The following NRG1 variants were observed in gnomAD, a reference collection of about 807,000 sequenced individuals.
NRG1 encodes neuregulin 1, also known as pro-neuregulin-1, membrane-bound isoform.
NRG1 carries 18 observed loss-of-function variants against 63.8 expected under a neutral mutation model. The observed-to-expected ratio is 0.28, with a 90% CI of 0.19 to 0.42. The LOEUF (loss-of-function observed/expected upper bound fraction) is 0.42. Ranked by LOEUF, NRG1 falls within the 10% of genes least tolerant of loss-of-function variation. NRG1 has a pLI of 1.00. For missense variants in NRG1, 762 were observed against 814.7 expected, an observed-to-expected ratio of 0.94 and a Z score of 0.79; for synonymous variants, 302 against 301.3, an observed-to-expected ratio of 1.00 and a Z score of -0.02.
intron 1 of NRG1, among the ~76,000 whole-genome samples, chr8:32,581,542 A>G (rs970101891): frequency 6.6e-6 from 1 of 152,214 alleles, no homozygotes; most frequent in Non-Finnish European, 1.5e-5. Flanking sequence ...CATTAAAAGA[A>G]TAAAGCCCCT....
At chr8:32,471,419 G>A (rs533147888) in intron 1 of NRG1, among the ~76,000 whole-genome samples, 28 of 152,192 alleles carry the variant, frequency 1.8e-4, no homozygotes, top group African/African-American at 6.5e-4. Flanking sequence ...TAGGTGGGTT[G>A]TTCTAATCGA....
chr8:32,370,812 C>T lies in NRG1; in HGVS notation c.38-225016C>T, dbSNP rs139061219. 3.3e-3 allele frequency among the ~76,000 whole-genome samples: 417 copies of T among 127,682 alleles called. 4 individuals are homozygous for T. The highest frequency in any genetic ancestry group is 0.012 in the African/African-American group (399 of 32,680). 83.8% of individuals were successfully genotyped at this position (127,682 alleles called of 152,430 possible). On this transcript the variant is annotated intron_variant, in intron 1 of 10. Transcript: ENST00000519301. ...AGTGGATGTTGCAGTGAGCCAAGATCTCACTGCTGCACTCCAGCCAGGATG... is the reference window on the plus strand; with the variant it reads ...AGTGGATGTTGCAGTGAGCCAAGATTTCACTGCTGCACTCCAGCCAGGATG...
intron 1 of NRG1, among the ~76,000 whole-genome samples, chr8:32,465,930 A>G (rs1454842404): frequency 6.6e-6 from 1 of 152,244 alleles, no homozygotes; most frequent in Non-Finnish European, 1.5e-5. Context: ...TAGCAATACA[A>G]ATAAACAAAT....
At chr8:32,540,449 CAAAAAT>C (rs982280641) in intron 1 of NRG1, among the ~76,000 whole-genome samples, 3 of 152,006 alleles carry the variant, frequency 2.0e-5, no homozygotes, top group Admixed American at 2.0e-4. Flanking sequence ...ACAACGACAA[CAAAAAT>C]AAAAATGTCA....
rs1471735210 is a variant in NRG1, at chr8:32,571,197, C to T, written c.100+22371C>T. ...AATTAAAGATACAGCAATGACATGACATCTACATTTGAAACTAGTAATAAT... is the reference window on the plus strand; with the variant it reads ...AATTAAAGATACAGCAATGACATGATATCTACATTTGAAACTAGTAATAAT... On this transcript the variant is annotated intron_variant, in intron 1 of 11. Transcript: ENST00000356819. Among the ~76,000 whole-genome samples, 4 of 152,272 alleles carry T rather than the reference C, an allele frequency of 2.6e-5. No individual in the cohort carries two copies. In the South Asian group the frequency reaches 6.2e-4, roughly 24 times the overall value.
rs558792099 is a variant in NRG1, at chr8:32,065,172, G to A, written c.37+425741G>A. Among the ~76,000 whole-genome samples the A allele has an allele frequency of 3.3e-5, 5 of 150,588 alleles. No individual in the cohort carries two copies. The South Asian group carries it at 8.3e-4, about 25-fold the overall frequency. On this transcript the variant is annotated intron_variant, in intron 1 of 10. Coordinates refer to the NRG1 transcript ENST00000519301. ...TGCTTGGGATGGGGAAGAACTTTGT[G>A]GCCATCGATTTTTTCTTTCTTTCTT...
At chr8:32,045,589 T>C (rs1820870698) in intron 1 of NRG1, among the ~76,000 whole-genome samples, 1 of 151,942 alleles carries the variant, frequency 6.6e-6, no homozygotes, top group South Asian at 2.1e-4. Flanking sequence ...GCTTCAGTAA[T>C]CAAGAGTCTG....
At position 32,209,586 on chromosome 8, in the gene NRG1, A is replaced by G. The variant is rs374368420; in HGVS notation, c.38-386242A>G. Among the ~76,000 whole-genome samples the G allele has an allele frequency of 1.4e-3, 217 of 152,328 alleles. 1 individual carries two copies. The highest frequency in any genetic ancestry group is 5.0e-3 in the African/African-American group (210 of 41,590). ...TAGAAGAGGGTTTCGCCAAAAGATT[A>G]TTTAAGAAAATCTACTAAAAGAGGG... On this transcript the variant is annotated intron_variant, in intron 1 of 10. Transcript: ENST00000519301.
intron 5 of NRG1, among the ~76,000 whole-genome samples, chr8:32,691,242 C>T (rs1482250005): frequency 1.3e-5 from 2 of 152,024 alleles, no homozygotes; most frequent in Admixed American, 6.5e-5. Context: ...CGCCTGTGAT[C>T]CCAGCTACTT....
At chr8:32,737,565 A>T in intron 6 of NRG1, among the ~76,000 whole-genome samples, 1 of 152,178 alleles carries the variant, frequency 6.6e-6, no homozygotes. Context: ...AATAAAAAAA[A>T]AATTATCTGG....
intron 5 of NRG1, among the ~76,000 whole-genome samples, chr8:32,699,141 A>G (rs931201733): frequency 2.6e-5 from 4 of 152,208 alleles, no homozygotes; most frequent in Non-Finnish European, 5.9e-5. Context: ...GTGAATTTGC[A>G]TTTGGGTTCC....
chr8:32,714,263 C>T (rs150171844), intron 5 of NRG1, among the ~76,000 whole-genome samples: 1 of 152,014 alleles, frequency 6.6e-6, no homozygotes, highest in Non-Finnish European at 1.5e-5. Context: ...TTCTTGAAAA[C>T]AAACATACAA....
At chr8:32,061,939 C>T (rs1823944868) in intron 1 of NRG1, 1 of 151,926 alleles carries the variant, frequency 6.6e-6, no homozygotes, top group African/African-American at 2.4e-5. Context: ...GAGGAGGTAA[C>T]AGAGGACAGA....
At chr8:32,421,336 A>C (rs1204966894) in intron 1 of NRG1, among the ~76,000 whole-genome samples, 1 of 152,196 alleles carries the variant, frequency 6.6e-6, no homozygotes, top group Non-Finnish European at 1.5e-5. Flanking sequence ...CCCAAAGTAC[A>C]GAAAAATAAA....
intron 1 of NRG1, among the ~76,000 whole-genome samples, chr8:32,301,953 A>C (rs909370737): frequency 2.0e-5 from 3 of 152,198 alleles, no homozygotes; most frequent in African/African-American, 7.2e-5. Context: ...CGGTGTGCTG[A>C]ATACAAAGAT....
chr8:32,462,922 A>G (rs908494660), intron 1 of NRG1, among the ~76,000 whole-genome samples: 2 of 151,814 alleles, frequency 1.3e-5, no homozygotes, highest in Admixed American at 1.3e-4. Flanking sequence ...CAGATTCTAC[A>G]TGATTACAAG....
chr8:32,006,076 C>T (rs1813726159), intron 1 of NRG1, among the ~76,000 whole-genome samples: 1 of 151,920 alleles, frequency 6.6e-6, no homozygotes, highest in Non-Finnish European at 1.5e-5. Context: ...AGGCATTATT[C>T]AATAACTACC....
At chr8:32,387,271 T>A (rs1361446174) in intron 1 of NRG1, among the ~76,000 whole-genome samples, 1 of 152,250 alleles carries the variant, frequency 6.6e-6, no homozygotes, top group Non-Finnish European at 1.5e-5. Context: ...TTGATGTGAC[T>A]ATTGTGATGT....
chr8:32,592,115 T>C (rs976114238), intron 1 of NRG1, among the ~76,000 whole-genome samples: 1 of 151,728 alleles, frequency 6.6e-6, no homozygotes, highest in African/African-American at 2.4e-5. Context: ...GTTTTTTTTT[T>C]TTTCCTCTGT....
Sources: allele counts gnomAD v4.1 joint callset (sites outside exome capture counted in the v4.1 genomes callset), GRCh38; gene constraint gnomAD v4.1.1; transcripts MANE v1.5; gene names NCBI Gene and HGNC (gene_info 2026-07-23, HGNC 2026-07-21).